The following ALK variants were observed in gnomAD, a reference collection of about 807,000 sequenced individuals.
ALK encodes ALK tyrosine kinase receptor.
A neutral mutation model predicts 163.1 loss-of-function variants in ALK; 74 were observed. That is an observed-to-expected ratio of 0.45 (90% CI 0.38 to 0.55). The LOEUF (loss-of-function observed/expected upper bound fraction) is 0.55. ALK is among the 20% of genes least tolerant of loss of function. The pLI is 0.00. For missense variants in ALK, 2,063 were observed against 2,105.3 expected (o/e 0.98, Z 0.39); for synonymous variants, 960 against 843.2 (o/e 1.14, Z -2.40).
At chr2:29,498,751 A>T (rs1376307706) in intron 4 of ALK, among the ~76,000 whole-genome samples, 1 of 152,238 alleles carries the variant, frequency 6.6e-6, no homozygotes, top group Admixed American at 6.5e-5. Context: ...TGATTGAGAT[A>T]AGTATGTAAT....
intron 12 of ALK, among the ~76,000 whole-genome samples, chr2:29,244,876 C>T (rs1051809171): frequency 2.0e-5 from 3 of 152,256 alleles, no homozygotes; most frequent in Non-Finnish European, 4.4e-5. Flanking sequence ...TGTTATTAAA[C>T]TTTTCTGTCC....
At chr2:29,825,714 T>TG (rs35182663) in intron 1 of ALK, among the ~76,000 whole-genome samples, 60,580 of 148,076 alleles carry the variant, frequency 0.41, 13,760 homozygotes, top group East Asian at 0.65. Flanking sequence ...ATTTTGTGTG[T>TG]TTTTTTTTTT....
intron 3 of ALK, among the ~76,000 whole-genome samples, chr2:29,668,468 TTC>T (rs1677585135): frequency 6.6e-6 from 1 of 152,122 alleles, no homozygotes; most frequent in East Asian, 1.9e-4. Context: ...TTTAATGTGT[TTC>T]AAAAAATTTA....
At chr2:29,480,186 G>A (rs923468216) in intron 4 of ALK, among the ~76,000 whole-genome samples, 1 of 152,164 alleles carries the variant, frequency 6.6e-6, no homozygotes, top group Non-Finnish European at 1.5e-5. Context: ...TAGTATACAG[G>A]AAAAGTACAG....
intron 1 of ALK, among the ~76,000 whole-genome samples, chr2:29,891,437 C>T (rs1009206485): frequency 6.6e-6 from 1 of 152,168 alleles, no homozygotes; most frequent in Non-Finnish European, 1.5e-5. Flanking sequence ...ACAATGTTGA[C>T]ATAACACTTA....
chr2:29,692,603 A>G (rs970847089), intron 3 of ALK, among the ~76,000 whole-genome samples: 8 of 152,230 alleles, frequency 5.3e-5, no homozygotes, highest in Admixed American at 4.6e-4. Flanking sequence ...ATGTTCCTAT[A>G]AGAATCTAAT....
intron 1 of ALK, among the ~76,000 whole-genome samples, chr2:29,867,270 G>T (rs903998778): frequency 3.3e-5 from 5 of 152,076 alleles, no homozygotes; most frequent in South Asian, 2.1e-4. Flanking sequence ...AGGAAGTTTA[G>T]TCCTTACAAA....
At chr2:29,522,246 G>A (rs1672834566) in intron 4 of ALK, among the ~76,000 whole-genome samples, 1 of 152,140 alleles carries the variant, frequency 6.6e-6, no homozygotes, top group African/African-American at 2.4e-5. Flanking sequence ...ACCTCACTGA[G>A]CCTCAGCTTC....
intron 1 of ALK, among the ~76,000 whole-genome samples, chr2:29,872,042 A>G (rs1442813455): frequency 1.3e-5 from 2 of 152,204 alleles, no homozygotes; most frequent in Non-Finnish European, 1.5e-5. Context: ...ATCTCATGGC[A>G]TGCTGGACAC....
rs115549695 is a variant in ALK, at chr2:29,599,990, C to T, written c.953-67874G>A. Among the ~76,000 whole-genome samples the T allele has an allele frequency of 7.6e-3, 1,159 of 152,182 alleles. 14 individuals are homozygous for T. Among genetic ancestry groups the T allele is most frequent in the African/African-American group, 0.027 (1,118 of 41,512 alleles). On this transcript the variant is annotated intron_variant, in intron 3 of 28. Coordinates refer to ENST00000389048, the MANE Select transcript of ALK (RefSeq NM_004304.5). The stretch of plus-strand genomic sequence containing the variant: ...TTGGGGGTGATGTGATTACCCATGG[C>T]GAGGTGAGGAAATTGCTACTCACGT...
At chr2:29,297,153 C>T in intron 8 of ALK, 96 bp from the exon 9 acceptor site, 1 of 1,451,436 alleles carries the variant, frequency 6.9e-7, no homozygotes, top group Non-Finnish European at 9.6e-7. Context: ...TTATAAGAGA[C>T]TCAGCTGAGT....
chr2:29,451,068 T>G (rs1472663886), intron 4 of ALK, among the ~76,000 whole-genome samples: 1 of 152,162 alleles, frequency 6.6e-6, no homozygotes, highest in Non-Finnish European at 1.5e-5. Context: ...ATCCTGTGGG[T>G]CTGATGTTTG....
At chr2:29,780,631 G>A (rs1681307754) in intron 1 of ALK, among the ~76,000 whole-genome samples, 1 of 152,192 alleles carries the variant, frequency 6.6e-6, no homozygotes, top group African/African-American at 2.4e-5. Flanking sequence ...GCTAAGCCCT[G>A]AACACCTTAG....
intron 6 of ALK, among the ~76,000 whole-genome samples, chr2:29,325,749 T>C (rs1191214356): frequency 1.3e-5 from 2 of 152,222 alleles, no homozygotes; most frequent in South Asian, 4.1e-4. Flanking sequence ...TTCAGCTTCC[T>C]TGTCTCTAAC....
At chr2:29,766,225 G>T (rs1680858686) in intron 1 of ALK, among the ~76,000 whole-genome samples, 1 of 152,166 alleles carries the variant, frequency 6.6e-6, no homozygotes, top group African/African-American at 2.4e-5. Context: ...TTCCAATTCA[G>T]AAATCTGGTT....
Position 29,593,752 on chromosome 2 carries a change from C to G in ALK, c.953-61636G>C, listed in dbSNP as rs181368577. ...TTCAGAAGTATAGCAGAATCTTGCT[C>G]TTTTTACTTCCTCTGATATCCTATG... is the stretch of plus-strand genomic sequence containing the variant. On this transcript the variant is annotated intron_variant, in intron 3 of 28. Coordinates refer to ENST00000389048, the MANE Select transcript of ALK (RefSeq NM_004304.5). Among the ~76,000 whole-genome samples, 304 of 152,302 alleles carry G rather than the reference C, an allele frequency of 2.0e-3. 1 individual carries two copies. The highest frequency in any genetic ancestry group is 7.1e-3 in the African/African-American group (294 of 41,580).
At chr2:29,262,271 G>T (rs941820899) in intron 11 of ALK, among the ~76,000 whole-genome samples, 9 of 152,254 alleles carry the variant, frequency 5.9e-5, no homozygotes, top group Admixed American at 5.9e-4. Context: ...ACTGTTTTCA[G>T]TTGATGAATT....
intron 3 of ALK, among the ~76,000 whole-genome samples, chr2:29,689,378 C>A (rs757831990): frequency 2.0e-5 from 3 of 152,200 alleles, no homozygotes; most frequent in Non-Finnish European, 4.4e-5. Flanking sequence ...GCAAAGTCTG[C>A]ACTTGCAGTT....
At chr2:29,245,355 A>T (rs1412204498) in intron 12 of ALK, among the ~76,000 whole-genome samples, 1 of 104,742 alleles carries the variant, frequency 9.5e-6, no homozygotes, top group Non-Finnish European at 1.9e-5. Flanking sequence ...TGCACACAGT[A>T]GGGGCTCCAT....
Sources: allele counts gnomAD v4.1 joint callset (sites outside exome capture counted in the v4.1 genomes callset), GRCh38; gene constraint gnomAD v4.1.1; transcripts MANE v1.5; gene names NCBI Gene and HGNC (gene_info 2026-07-23, HGNC 2026-07-21).